Variants in TSHR observed in about 807,000 individuals in gnomAD.
TSHR encodes thyrotropin receptor.
Under a neutral mutation model 64.1 loss-of-function variants are expected in TSHR, and 51 were observed. That is an observed-to-expected ratio of 0.80 (90% CI 0.64 to 1.01). The LOEUF (loss-of-function observed/expected upper bound fraction) is 1.01, where lower values mean the gene tolerates loss of function less well. Among genes scored for constraint, TSHR ranks in the 50% least tolerant of loss-of-function variants. TSHR has a pLI of 0.00. For missense variants in TSHR, 877 were observed against 942.8 expected (o/e 0.93, Z 0.91); for synonymous variants, 361 against 361.9 (o/e 1.00, Z 0.03).
At chr14:80,982,329 G>A in intron 1 of TSHR, 1 of 1,197,768 alleles carries the variant, frequency 8.3e-7, no homozygotes, top group Non-Finnish European at 1.2e-6. Context: ...TCTGGGCTGA[G>A]GAAGAGGCCA....
In TSHR at chr14:81,143,972, C is replaced by T. The variant is rs2140113136; in HGVS notation, c.1914C>T (p.Ala638=). The T allele has an allele frequency of 1.2e-6, 2 of 1,614,086 alleles. No homozygotes were observed. The highest frequency in any genetic ancestry group is 8.5e-7 in the Non-Finnish European group (1 of 1,180,014). ...VLIFTDFICM[A]PISFYALSAI... Reference sequence around the variant, plus strand: ...TCTTCACCGACTTCATATGCATGGCCCCAATCTCATTCTATGCTCTGTCAG... The same window carrying T: ...TCTTCACCGACTTCATATGCATGGCTCCAATCTCATTCTATGCTCTGTCAG... Residue 638 remains alanine, a synonymous_variant, in exon 10 of 10, where the codon GCC becomes GCT. Coordinates refer to ENST00000298171, the MANE Select transcript of TSHR (RefSeq NM_000369.5).
At chr14:80,961,077 G>C (rs560793836) in intron 1 of TSHR, among the ~76,000 whole-genome samples, 1 of 152,240 alleles carries the variant, frequency 6.6e-6, no homozygotes, top group Non-Finnish European at 1.5e-5. Context: ...CACTTTTGGC[G>C]TCTGAAATAG....
intron 3 of TSHR, among the ~76,000 whole-genome samples, chr14:81,076,522 T>A (rs1249866171): frequency 6.6e-6 from 1 of 152,200 alleles, no homozygotes; most frequent in Non-Finnish European, 1.5e-5. Context: ...GACATCTTGA[T>A]TGTCGTCCTG....
intron 9 of TSHR, among the ~76,000 whole-genome samples, chr14:81,142,203 C>T (rs900504463): frequency 1.3e-5 from 2 of 152,164 alleles, no homozygotes; most frequent in African/African-American, 4.8e-5. Context: ...GCCTCAGCCT[C>T]CCAAGTAGCT....
At position 81,143,640 on chromosome 14, in the gene TSHR, C is replaced by T. The variant is rs765367813; in HGVS notation, c.1582C>T (p.Arg528Cys). 7.4e-6 allele frequency: 12 copies of T among 1,613,958 alleles called. No individual in the cohort carries two copies. The highest frequency in any genetic ancestry group is 4.4e-5 in the South Asian group (4 of 91,076). Reference protein sequence around the residue: ...ERWYAITFAMRLDRKIRLRHA... With the variant: ...ERWYAITFAMCLDRKIRLRHA... ...CTGGTATGCCATCACCTTCGCCATGCGCCTGGACCGGAAGATCCGCCTCAG... is the reference window on the plus strand; with the variant it reads ...CTGGTATGCCATCACCTTCGCCATGTGCCTGGACCGGAAGATCCGCCTCAG... The change falls in exon 10 of 10, where the codon CGC becomes TGC. Residue 528 changes from arginine (R) to cysteine (C), a missense_variant. Transcript: ENST00000298171.
intron 1 of TSHR, among the ~76,000 whole-genome samples, chr14:81,026,922 G>A (rs2139813160): frequency 6.6e-6 from 1 of 151,908 alleles, no homozygotes; most frequent in African/African-American, 2.4e-5. Context: ...TATAATCCCA[G>A]CTATTTGGGA....
intron 4 of TSHR, among the ~76,000 whole-genome samples, chr14:81,090,723 A>T (rs1045470016): frequency 6.6e-6 from 1 of 152,042 alleles, no homozygotes; most frequent in Non-Finnish European, 1.5e-5. Flanking sequence ...CAAACACATA[A>T]TTTTTTCCAA....
chr14:80,989,939 TATG>T (rs1469934783), intron 1 of TSHR, among the ~76,000 whole-genome samples: 1 of 152,202 alleles, frequency 6.6e-6, no homozygotes, highest in Non-Finnish European at 1.5e-5. Context: ...TTTCCAGAGC[TATG>T]CTGCCTATGC....
In TSHR at chr14:80,969,598, G is replaced by T. The variant is rs149635489; in HGVS notation, c.170+13748G>T. The stretch of plus-strand genomic sequence containing the variant: ...TGGTCATTTACAGGAGAAGTATCTT[G>T]ATTAGACTTGATGAAAAGGAGCCCA... On this transcript the variant is annotated intron_variant, in intron 1 of 9. Transcript: ENST00000298171. 2.7e-4 allele frequency among the ~76,000 whole-genome samples: 41 copies of T among 152,284 alleles called. 1 individual carries two copies. The highest frequency in any genetic ancestry group is 9.4e-4 in the African/African-American group (39 of 41,548).
chr14:80,988,926 C>G (rs1439040452), intron 1 of TSHR, among the ~76,000 whole-genome samples: 1 of 152,180 alleles, frequency 6.6e-6, no homozygotes, highest in Admixed American at 6.5e-5. Flanking sequence ...CTCTCCAGAC[C>G]TATGAGTCAC....
intron 8 of TSHR, among the ~76,000 whole-genome samples, chr14:81,134,143 T>C (rs1422052478): frequency 6.6e-6 from 1 of 152,174 alleles, no homozygotes. Flanking sequence ...TCTTTTTTAT[T>C]TTTTATTTTT....
chr14:81,081,270 G>A (rs1443999137), intron 3 of TSHR, among the ~76,000 whole-genome samples: 1 of 152,032 alleles, frequency 6.6e-6, no homozygotes, highest in African/African-American at 2.4e-5. Context: ...ATATATGTAT[G>A]TATGTATGTA....
chr14:80,995,728 C>G (rs1888975525), intron 1 of TSHR: 2 of 151,680 alleles, frequency 1.3e-5, no homozygotes, highest in South Asian at 4.2e-4. Flanking sequence ...CTAATGGGTA[C>G]TAGGCTTCAT....
At position 81,031,988 on chromosome 14, in the gene TSHR, C is replaced by T. The variant is rs986546031; in HGVS notation, c.171-30160C>T. On this transcript the variant is annotated intron_variant, in intron 1 of 9. Coordinates refer to ENST00000298171, the MANE Select transcript of TSHR (RefSeq NM_000369.5). ...TATCAACAGAGGGACACAAGAAACACGACACTGCCAAATAAGCACAGTGAT... is the reference window on the plus strand; with the variant it reads ...TATCAACAGAGGGACACAAGAAACATGACACTGCCAAATAAGCACAGTGAT... Among the ~76,000 whole-genome samples, 6 of 152,126 alleles carry T rather than the reference C, an allele frequency of 3.9e-5. No homozygotes were observed. The East Asian group carries it at 5.8e-4, about 15-fold the overall frequency.
At chr14:80,978,067 T>G (rs190273990) in intron 1 of TSHR, among the ~76,000 whole-genome samples, 2 of 149,400 alleles carry the variant, frequency 1.3e-5, no homozygotes, top group Non-Finnish European at 3.0e-5. Context: ...TTCATCTTCC[T>G]TGCCTCCTCC....
chr14:80,985,569 G>T (rs529782810), intron 1 of TSHR, among the ~76,000 whole-genome samples: 1 of 152,322 alleles, frequency 6.6e-6, no homozygotes, highest in South Asian at 2.1e-4. Flanking sequence ...TGCCCAGGAC[G>T]TTTAGGTTAT....
At chr14:80,977,255 G>A (rs1425235293) in intron 1 of TSHR, among the ~76,000 whole-genome samples, 3 of 152,220 alleles carry the variant, frequency 2.0e-5, no homozygotes, top group Non-Finnish European at 4.4e-5. Flanking sequence ...TAGAATAAAT[G>A]TTTACTACCA....
rs1343475175 is a variant in TSHR at position 81,022,091 on chromosome 14, T to A, written c.171-40057T>A. On this transcript the variant is annotated intron_variant, in intron 1 of 9. Coordinates refer to ENST00000298171, the MANE Select transcript of TSHR (RefSeq NM_000369.5). ...TCCTGGCTAACATGGTGAAACCCCG[T>A]CTCTACTAAAAATACAAAAAAAAAA... is the stretch of plus-strand genomic sequence containing the variant. Among the ~76,000 whole-genome samples the A allele has an allele frequency of 1.5e-4, 21 of 136,244 alleles. No homozygotes were observed. The Admixed American group carries it at 1.6e-3, about 10-fold the overall frequency. 89.4% of individuals were successfully genotyped at this position (136,244 alleles called of 152,430 possible). A position where few individuals can be genotyped will look rare whatever the true frequency, so the allele number is the denominator to read the frequency against.
intron 1 of TSHR, among the ~76,000 whole-genome samples, chr14:81,054,617 G>A (rs187898486): frequency 1.4e-4 from 21 of 152,316 alleles, no homozygotes; most frequent in Middle Eastern, 3.4e-3. Flanking sequence ...TGAGGAACTT[G>A]TTGGGAACTG....
Sources: allele counts gnomAD v4.1 joint callset (sites outside exome capture counted in the v4.1 genomes callset), GRCh38; gene constraint gnomAD v4.1.1; transcripts MANE v1.5; gene names NCBI Gene and HGNC (gene_info 2026-07-23, HGNC 2026-07-21).